ZMYND11: variants seen among roughly 807,000 people sequenced by gnomAD.
ZMYND11 encodes the protein zinc finger MYND domain-containing protein 11.
A neutral mutation model predicts 84.9 loss-of-function variants in ZMYND11; 9 were observed. The ratio of observed to expected loss-of-function variants is 0.11; its 90% CI spans 0.06 to 0.18. The LOEUF is 0.18. Among genes scored for constraint, ZMYND11 ranks in the 10% least tolerant of loss-of-function variants. ZMYND11 has a pLI of 1.00. For synonymous variants in ZMYND11, 250 were observed against 244.1 expected, an observed-to-expected ratio of 1.02 and a Z score of -0.23; for missense variants, 409 against 761.0, an observed-to-expected ratio of 0.54 and a Z score of 5.44.
intron 1 of ZMYND11, among the ~76,000 whole-genome samples, chr10:151,958 C>A (rs1218343680): frequency 1.3e-5 from 2 of 152,122 alleles, no homozygotes; most frequent in African/African-American, 4.8e-5. Flanking sequence ...TCATATCCAG[C>A]CAAACTAAGC....
intron 2 of ZMYND11, among the ~76,000 whole-genome samples, chr10:192,035 A>G (rs1019589708): frequency 6.6e-6 from 1 of 152,212 alleles, no homozygotes; most frequent in Non-Finnish European, 1.5e-5. Context: ...TACTTCATAG[A>G]TATGCAAATC....
chr10:172,860 A>G (rs1159928775), intron 1 of ZMYND11, among the ~76,000 whole-genome samples: 1 of 152,200 alleles, frequency 6.6e-6, no homozygotes, highest in Non-Finnish European at 1.5e-5. Context: ...TTTAGTGACC[A>G]AGACAATGTG....
intron 2 of ZMYND11, among the ~76,000 whole-genome samples, chr10:199,062 G>A (rs1206645282): frequency 6.6e-6 from 1 of 152,142 alleles, no homozygotes; most frequent in African/African-American, 2.4e-5. Flanking sequence ...GTCCCCATGA[G>A]ATTGTCAAAA....
At chr10:183,487 TC>T (rs1418050264) in intron 2 of ZMYND11, among the ~76,000 whole-genome samples, 1 of 152,196 alleles carries the variant, frequency 6.6e-6, no homozygotes, top group African/African-American at 2.4e-5. Context: ...TGACGCTAGA[TC>T]CAGGAACTCA....
chr10:251,174 C>T (rs1953409840), intron 14 of ZMYND11, among the ~76,000 whole-genome samples: 1 of 152,128 alleles, frequency 6.6e-6, no homozygotes, highest in Non-Finnish European at 1.5e-5. Flanking sequence ...AATATATCCC[C>T]AGAAAGGGAG....
chr10:160,346 TAAC>T (rs1842685147), intron 1 of ZMYND11, among the ~76,000 whole-genome samples: 1 of 152,240 alleles, frequency 6.6e-6, no homozygotes, highest in Non-Finnish European at 1.5e-5. Context: ...CTAAAAATGT[TAAC>T]AATCATCTGA....
At chr10:246,628 T>A (rs1001008860) in intron 10 of ZMYND11, 138 bp from the exon 11 acceptor site, 4 of 742,684 alleles carry the variant, frequency 5.4e-6, no homozygotes, top group Non-Finnish European at 8.9e-6. Flanking sequence ...GAACCCACAA[T>A]TGCTTTTGCA....
intron 1 of ZMYND11, among the ~76,000 whole-genome samples, chr10:140,162 G>A (rs1554753625): frequency 6.6e-6 from 1 of 152,094 alleles, no homozygotes; most frequent in African/African-American, 2.4e-5. Context: ...TATTTTTTGA[G>A]ACAGAATGTG....
intron 14 of ZMYND11, 52 bp downstream of exon 14, chr10:249,140 T>C (rs773482812): frequency 1.2e-6 from 2 of 1,609,516 alleles, no homozygotes; most frequent in Admixed American, 3.3e-5. Context: ...ACCACAGGTA[T>C]GATGCCCGTT....
intron 2 of ZMYND11, among the ~76,000 whole-genome samples, chr10:181,829 ATTAT>A (rs1847950189): frequency 6.6e-6 from 1 of 152,214 alleles, no homozygotes; most frequent in Admixed American, 6.5e-5. Context: ...CATTATTTTA[ATTAT>A]TATGCTTTTA....
chr10:171,788 GAA>G (rs1431410659), intron 1 of ZMYND11, among the ~76,000 whole-genome samples: 5 of 152,206 alleles, frequency 3.3e-5, no homozygotes, highest in African/African-American at 1.2e-4. Context: ...TAATGGTAAG[GAA>G]CTTGAAGCTT....
chr10:130,541 C>T (rs1835292043), upstream of ZMYND11, among the ~76,000 whole-genome samples: 1 of 152,158 alleles, frequency 6.6e-6, no homozygotes, highest in African/African-American at 2.4e-5. Context: ...ATTTTACATG[C>T]ATTTTCTCAT....
At chr10:171,053 T>C (rs1845196289) in intron 1 of ZMYND11, among the ~76,000 whole-genome samples, 1 of 151,806 alleles carries the variant, frequency 6.6e-6, no homozygotes, top group African/African-American at 2.4e-5. Context: ...ACTTCAGAGG[T>C]AGGGAAGTTA....
intron 4 of ZMYND11, among the ~76,000 whole-genome samples, chr10:233,407 A>C (rs1276335367): frequency 2.6e-5 from 4 of 152,128 alleles, no homozygotes; most frequent in South Asian, 4.1e-4. Flanking sequence ...ATTTTCCGTG[A>C]GGGATAAGTT....
chr10:243,456 TTC>T (rs1951470060), intron 10 of ZMYND11, among the ~76,000 whole-genome samples: 1 of 151,994 alleles, frequency 6.6e-6, no homozygotes, highest in Admixed American at 6.5e-5. Flanking sequence ...CTATATATTT[TTC>T]TTTTTCATCA....
chr10:166,365 C>T (rs1844024066), intron 1 of ZMYND11, among the ~76,000 whole-genome samples: 1 of 152,004 alleles, frequency 6.6e-6, no homozygotes, highest in Non-Finnish European at 1.5e-5. Context: ...GGATTGGTAT[C>T]TAGAATATAT....
At chr10:165,999 A>G (rs1843921912) in intron 1 of ZMYND11, among the ~76,000 whole-genome samples, 3 of 152,162 alleles carry the variant, frequency 2.0e-5, no homozygotes, top group Admixed American at 2.0e-4. Flanking sequence ...AGTCCACTCA[A>G]TTGGGAAAGA....
rs150150091 is a variant in ZMYND11 at position 251,747 on chromosome 10, G to T, written c.1687-601G>T. On this transcript the variant is annotated intron_variant, in intron 14 of 14. Transcript: ENST00000381604. ...GACCCTTGCACTAGAACATTCTTTG[G>T]GGGAGGTGTACATGGTGGGATGTTT... Among the ~76,000 whole-genome samples, 1,060 of 152,200 alleles carry T rather than the reference G, an allele frequency of 7.0e-3. 12 individuals are homozygous for T. Among genetic ancestry groups the T allele is most frequent in the African/African-American group, 0.024 (1,000 of 41,522 alleles).
At chr10:229,106 C>G (rs1948585819) in intron 4 of ZMYND11, among the ~76,000 whole-genome samples, 1 of 152,160 alleles carries the variant, frequency 6.6e-6, no homozygotes, top group Admixed American at 6.5e-5. Flanking sequence ...ATCATGTGAA[C>G]TCTTGATCTT....
Sources: gnomAD v4.1 joint callset for allele counts (sites outside exome capture counted in the v4.1 genomes callset) on GRCh38, gnomAD v4.1.1 for gene constraint, MANE v1.5 for transcripts, NCBI Gene and HGNC (gene_info 2026-07-23, HGNC 2026-07-21) for gene names.